The following SHROOM2 variants were observed in gnomAD, a reference collection of about 807,000 sequenced individuals.
SHROOM2 encodes the protein shroom family member 2.
Under a neutral mutation model 75.9 loss-of-function variants are expected in SHROOM2, and 33 were observed. The ratio of observed to expected loss-of-function variants is 0.43; its 90% CI spans 0.33 to 0.58. The LOEUF (loss-of-function observed/expected upper bound fraction) is 0.58. SHROOM2 is among the 20% of genes least tolerant of loss of function. SHROOM2 has a pLI of 0.04. For missense variants in SHROOM2, 1,434 were observed against 1,461.2 expected (o/e 0.98, Z 0.30); for synonymous variants, 655 against 663.6 (o/e 0.99, Z 0.20).
At chrX:9,861,178 G>A (rs2084101501) in intron 1 of SHROOM2, among the ~76,000 whole-genome samples, 2 of 111,857 alleles carry the variant, frequency 1.8e-5, no homozygotes, top group Non-Finnish European at 3.8e-5. Context: ...TGATGCTGTT[G>A]TTGTTAGAGA....
At chrX:9,901,520 C>T (rs5979201) in intron 5 of SHROOM2, among the ~76,000 whole-genome samples, 4,151 of 112,152 alleles carry the variant, frequency 0.037, 216 homozygotes, top group African/African-American at 0.13. Flanking sequence ...AGCTGTCACC[C>T]TGTGGGTGGC....
At chrX:9,881,069 A>G (rs1435626559) in intron 2 of SHROOM2, among the ~76,000 whole-genome samples, 2 of 111,460 alleles carry the variant, frequency 1.8e-5, no homozygotes, top group East Asian at 2.8e-4. Context: ...TAGTCATGAC[A>G]GCATTGATGG....
Position 9,895,893 on chromosome X carries a change from G to T in SHROOM2, c.1985G>T (p.Arg662Leu). ...AAGEAEDGTG[R>L]WRAGLGGGTQ... is the part of the protein sequence containing the mutation. ...GGGGAGGCGGAGGATGGCACCGGCC[G>T]CTGGAGGGCCGGGTTGGGAGGTGGC... The change falls in exon 4 of 10, where the codon CGC (arginine) becomes CTC (leucine). Residue 662 changes from arginine to leucine, a missense_variant. This residue lies in a region of SHROOM2 where 1,340 missense variants were observed against 1,338.3 expected (regional missense o/e 1.00). Coordinates refer to ENST00000380913, the MANE Select transcript of SHROOM2 (RefSeq NM_001649.4). The T allele has an allele frequency of 1.7e-6, 2 of 1,200,023 alleles. No individual in the cohort carries two copies. The highest frequency in any genetic ancestry group is 2.2e-6 in the Non-Finnish European group (2 of 889,933).
chrX:9,819,176 A>T (rs964020161), intron 1 of SHROOM2: 13 of 1,123,290 alleles, frequency 1.2e-5, no homozygotes, highest in Non-Finnish European at 1.1e-5. Context: ...TTGGCTTGAC[A>T]TGCATATCTG....
intron 5 of SHROOM2, among the ~76,000 whole-genome samples, chrX:9,921,015 G>C (rs1015918829): frequency 1.8e-5 from 2 of 112,170 alleles, no homozygotes; most frequent in African/African-American, 6.5e-5. Context: ...CATCTCCTGA[G>C]ATTGCAGTCA....
chrX:9,935,702 C>G, intron 6 of SHROOM2, among the ~76,000 whole-genome samples: 1 of 111,232 alleles, frequency 9.0e-6, no homozygotes, highest in Non-Finnish European at 1.9e-5. Context: ...CCTGCATTCC[C>G]AGTCACCAGT....
intron 1 of SHROOM2, chrX:9,818,927 C>G: frequency 3.6e-6 from 2 of 559,106 alleles, no homozygotes; most frequent in Non-Finnish European, 6.5e-6. Flanking sequence ...TCATCCTCCT[C>G]TTCTTCCACT....
intron 1 of SHROOM2, among the ~76,000 whole-genome samples, chrX:9,798,524 C>A (rs751945313): frequency 8.9e-6 from 1 of 111,905 alleles, no homozygotes; most frequent in African/African-American, 3.2e-5. Context: ...TTCCCCATCT[C>A]TGTGGAATTC....
At chrX:9,943,530 T>TAGAA (rs1334685190) in intron 8 of SHROOM2, among the ~76,000 whole-genome samples, 2 of 111,591 alleles carry the variant, frequency 1.8e-5, no homozygotes, top group Admixed American at 9.6e-5. Flanking sequence ...GGTCATCATT[T>TAGAA]AGAAGGCTGG....
intron 2 of SHROOM2, among the ~76,000 whole-genome samples, chrX:9,876,442 CTCTA>C (rs2084201365): frequency 8.9e-6 from 1 of 112,102 alleles, no homozygotes; most frequent in Non-Finnish European, 1.9e-5. Context: ...ACGTATTCTT[CTCTA>C]TCTAAATTTA....
At chrX:9,866,357 T>C (rs2084138546) in intron 1 of SHROOM2, among the ~76,000 whole-genome samples, 1 of 110,187 alleles carries the variant, frequency 9.1e-6, no homozygotes, top group Admixed American at 9.8e-5. Flanking sequence ...AAGCGAAGCA[T>C]TGTTGAGGTG....
At chrX:9,832,787 A>G in intron 1 of SHROOM2, among the ~76,000 whole-genome samples, 1 of 111,373 alleles carries the variant, frequency 9.0e-6, no homozygotes, top group Middle Eastern at 4.6e-3. Context: ...CGCTTCTCTG[A>G]TGGCCCCTGC....
intron 5 of SHROOM2, among the ~76,000 whole-genome samples, chrX:9,903,069 G>T (rs2084373250): frequency 2.7e-5 from 3 of 112,352 alleles, no homozygotes; most frequent in African/African-American, 9.7e-5. Flanking sequence ...GAACCTGAGG[G>T]TCATCTTCCT....
intron 2 of SHROOM2, among the ~76,000 whole-genome samples, chrX:9,875,920 C>A (rs1183683207): frequency 8.9e-6 from 1 of 112,514 alleles, no homozygotes; most frequent in Non-Finnish European, 1.9e-5. Context: ...GATAGACAGT[C>A]TAAAATCTGT....
chrX:9,921,122 A>G (rs1387646707), intron 5 of SHROOM2, among the ~76,000 whole-genome samples: 1 of 110,930 alleles, frequency 9.0e-6, no homozygotes, highest in East Asian at 2.8e-4. Flanking sequence ...AGGAGGCCTC[A>G]GTTCCTCCCC....
intron 2 of SHROOM2, among the ~76,000 whole-genome samples, chrX:9,881,438 G>A (rs1047818883): frequency 2.7e-5 from 3 of 111,291 alleles, no homozygotes; most frequent in African/African-American, 6.5e-5. Context: ...CCACCCTCTC[G>A]GTGAGATGAT....
At chrX:9,843,417 G>A (rs1178530875) in intron 1 of SHROOM2, among the ~76,000 whole-genome samples, 2 of 105,294 alleles carry the variant, frequency 1.9e-5, no homozygotes, top group African/African-American at 3.5e-5. Flanking sequence ...TTTTTTAACT[G>A]AGACAAGGCC....
intron 1 of SHROOM2, chrX:9,819,476 T>C (rs894693411): frequency 1.0e-5 from 3 of 288,560 alleles, no homozygotes; most frequent in African/African-American, 8.3e-5. Context: ...ACATTTTGGC[T>C]TATTGGTGGC....
intron 8 of SHROOM2, among the ~76,000 whole-genome samples, chrX:9,942,648 G>T: frequency 9.5e-6 from 1 of 104,751 alleles, no homozygotes; most frequent in South Asian, 4.1e-4. Flanking sequence ...AAAGGGGTGC[G>T]GAAGAGCTTC....
Sources: allele counts gnomAD v4.1 joint callset (sites outside exome capture counted in the v4.1 genomes callset), GRCh38; gene constraint gnomAD v4.1.1; regional missense constraint gnomAD v4.1.1; transcripts MANE v1.5; gene names NCBI Gene and HGNC (gene_info 2026-07-23, HGNC 2026-07-21).